PRKCE: variants seen among roughly 807,000 people sequenced by gnomAD.
The protein encoded by PRKCE is protein kinase C epsilon, also known as protein kinase C epsilon type.
A neutral mutation model predicts 85.4 loss-of-function variants in PRKCE; 16 were observed. The ratio of observed to expected loss-of-function variants is 0.19; its 90% CI spans 0.13 to 0.28. The LOEUF (loss-of-function observed/expected upper bound fraction) is 0.28. Ranked by LOEUF, PRKCE falls within the 10% of genes least tolerant of loss-of-function variation. The probability of loss-of-function intolerance (pLI) is 1.00; values close to 1 mark genes in which losing one functional copy is unlikely to be tolerated. For missense variants in PRKCE, 573 were observed against 975.2 expected (o/e 0.59, Z 5.49); for synonymous variants, 388 against 371.5 (o/e 1.04, Z -0.51).
At chr2:46,088,370 G>T (rs971773017) in intron 11 of PRKCE, among the ~76,000 whole-genome samples, 2 of 152,054 alleles carry the variant, frequency 1.3e-5, no homozygotes, top group Non-Finnish European at 2.9e-5. Context: ...AGCACTGCCT[G>T]CCTGGCCCCA....
intron 1 of PRKCE, among the ~76,000 whole-genome samples, chr2:45,766,868 C>T (rs1029100645): frequency 4.6e-5 from 7 of 152,080 alleles, no homozygotes; most frequent in African/African-American, 1.7e-4. Context: ...GGTGAAACCC[C>T]ATCTCTACTA....
At chr2:45,653,370 G>GGTT (rs1675220413) in intron 1 of PRKCE, among the ~76,000 whole-genome samples, 2 of 61,464 alleles carry the variant, frequency 3.3e-5, no homozygotes, top group African/African-American at 1.1e-4. Flanking sequence ...TTTTTGGGTT[G>GGTT]TTTTTTTTTT....
chr2:46,146,557 T>G (rs1558501873), intron 12 of PRKCE, among the ~76,000 whole-genome samples: 1 of 152,274 alleles, frequency 6.6e-6, no homozygotes, highest in South Asian at 2.1e-4. Context: ...AATTGAGTTG[T>G]AAAGAATGAG....
intron 2 of PRKCE, among the ~76,000 whole-genome samples, chr2:45,894,748 A>G (rs1696000681): frequency 6.6e-6 from 1 of 152,102 alleles, no homozygotes; most frequent in Non-Finnish European, 1.5e-5. Context: ...TTTGCGATGG[A>G]GTCTCACCAT....
intron 1 of PRKCE, among the ~76,000 whole-genome samples, chr2:45,701,698 C>G (rs921884301): frequency 6.6e-5 from 10 of 152,188 alleles, no homozygotes; most frequent in African/African-American, 2.4e-4. Context: ...TTCACCCAGG[C>G]ATGGCCCCAG....
chr2:46,119,055 C>A (rs1040966095), intron 11 of PRKCE, among the ~76,000 whole-genome samples: 1 of 152,108 alleles, frequency 6.6e-6, no homozygotes. Flanking sequence ...ATCTCTGGCT[C>A]CTTGGAACCA....
intron 1 of PRKCE, among the ~76,000 whole-genome samples, chr2:45,827,242 G>A (rs961073861): frequency 2.6e-5 from 4 of 152,186 alleles, no homozygotes; most frequent in Admixed American, 6.5e-5. Flanking sequence ...TGGCTTTTTC[G>A]ATGATCAGGG....
chr2:45,718,052 G>A (rs140859067), intron 1 of PRKCE, among the ~76,000 whole-genome samples: 3 of 152,198 alleles, frequency 2.0e-5, no homozygotes, highest in East Asian at 3.8e-4. Flanking sequence ...TCAGCTTTGC[G>A]GATCAAGACC....
chr2:46,181,090 C>G (rs932712803), intron 14 of PRKCE, among the ~76,000 whole-genome samples: 5 of 152,202 alleles, frequency 3.3e-5, no homozygotes, highest in Non-Finnish European at 7.3e-5. Context: ...GAGCCTGCCC[C>G]TCAGAATCTT....
chr2:45,734,476 G>C (rs552801962), intron 1 of PRKCE, among the ~76,000 whole-genome samples: 4 of 152,252 alleles, frequency 2.6e-5, no homozygotes, highest in African/African-American at 9.6e-5. Flanking sequence ...CATGTAAACG[G>C]GGGGGTTGTC....
In PRKCE at chr2:46,001,662, C is replaced by T; in HGVS notation, c.966+116C>T. On this transcript the variant is annotated intron_variant, in intron 7 of 14. Coordinates refer to ENST00000306156, the MANE Select transcript of PRKCE (RefSeq NM_005400.3). The surrounding 1 kb of genome is among the most constrained non-coding windows in gnomAD (Gnocchi z 4.4). ...AGATTCCTGGGTTTGAGGTATTTTA[C>T]TCAGAACTGCAGTACTTAAAGAAAA... 2 of 1,233,268 alleles carry T rather than the reference C, an allele frequency of 1.6e-6. No homozygotes were observed. The highest frequency in any genetic ancestry group is 1.7e-5 in the South Asian group (1 of 58,824). The allele number at this position is 1,233,268 out of a possible 1,614,324, so 76.4% of individuals were successfully genotyped here. A position where few individuals can be genotyped will look rare whatever the true frequency, so the allele number is the denominator to read the frequency against.
At chr2:46,009,364 TAGC>T (rs1330438131) in intron 9 of PRKCE, among the ~76,000 whole-genome samples, 1 of 152,230 alleles carries the variant, frequency 6.6e-6, no homozygotes, top group East Asian at 1.9e-4. Flanking sequence ...ATTAATATGA[TAGC>T]AGCATAATTA....
At chr2:45,942,197 C>G (rs538020641) in intron 2 of PRKCE, among the ~76,000 whole-genome samples, 3 of 152,322 alleles carry the variant, frequency 2.0e-5, no homozygotes, top group African/African-American at 7.2e-5. Flanking sequence ...GATTCTAATT[C>G]TACCTGTTAC....
At chr2:45,795,580 G>C (rs1687375543) in intron 1 of PRKCE, among the ~76,000 whole-genome samples, 1 of 152,166 alleles carries the variant, frequency 6.6e-6, no homozygotes, top group Non-Finnish European at 1.5e-5. Flanking sequence ...AAAATGCTGG[G>C]ATTACAGATG....
intron 1 of PRKCE, among the ~76,000 whole-genome samples, chr2:45,750,294 C>A (rs916314131): frequency 6.6e-6 from 1 of 152,152 alleles, no homozygotes; most frequent in Non-Finnish European, 1.5e-5. Flanking sequence ...TTCCTCCCTC[C>A]CCCAGCCCCT....
chr2:45,834,205 A>G (rs1383386560), intron 1 of PRKCE, among the ~76,000 whole-genome samples: 1 of 152,208 alleles, frequency 6.6e-6, no homozygotes, highest in Non-Finnish European at 1.5e-5. Flanking sequence ...TCACAAGAAG[A>G]TAATGGCTGC....
At chr2:45,740,758 T>A (rs1334362090) in intron 1 of PRKCE, among the ~76,000 whole-genome samples, 1 of 152,230 alleles carries the variant, frequency 6.6e-6, no homozygotes, top group East Asian at 1.9e-4. Context: ...CACTCCCAAA[T>A]GTTTCAGTCT....
At chr2:45,707,320 T>G (rs753486702) in intron 1 of PRKCE, among the ~76,000 whole-genome samples, 25 of 152,228 alleles carry the variant, frequency 1.6e-4, no homozygotes, top group Non-Finnish European at 3.1e-4. Flanking sequence ...TAGCCAAGAT[T>G]GTAATTGTTA....
chr2:45,718,505 C>G (rs566867547), intron 1 of PRKCE, among the ~76,000 whole-genome samples: 1 of 152,142 alleles, frequency 6.6e-6, no homozygotes, highest in South Asian at 2.1e-4. Flanking sequence ...CCACTACACT[C>G]AGCTAATTTT....
Sources: gnomAD v4.1 joint callset for allele counts (sites outside exome capture counted in the v4.1 genomes callset) on GRCh38, gnomAD v4.1.1 for gene constraint, Gnocchi (gnomAD v3.1) non-coding constraint, MANE v1.5 for transcripts, NCBI Gene and HGNC (gene_info 2026-07-23, HGNC 2026-07-21) for gene names.